SEPTIN9: variants seen among roughly 807,000 people sequenced by gnomAD.
SEPTIN9 encodes septin 9.
In SEPTIN9, 13 loss-of-function variants were observed where a neutral mutation model predicts 56.6. That is an observed-to-expected ratio of 0.23 (90% CI 0.15 to 0.37). The LOEUF (loss-of-function observed/expected upper bound fraction) is 0.37. Among genes scored for constraint, SEPTIN9 ranks in the 10% least tolerant of loss-of-function variants. The pLI is 1.00. For missense variants in SEPTIN9, 650 were observed against 823.1 expected, an observed-to-expected ratio of 0.79 and a Z score of 2.57; for synonymous variants, 332 against 334.1, an observed-to-expected ratio of 0.99 and a Z score of 0.07.
intron 2 of SEPTIN9, among the ~76,000 whole-genome samples, chr17:77,321,750 G>C (rs2032943531): frequency 6.6e-6 from 1 of 152,258 alleles, no homozygotes; most frequent in Non-Finnish European, 1.5e-5. Context: ...GTGCCGCTGA[G>C]CACACCCAGT....
intron 1 of SEPTIN9, among the ~76,000 whole-genome samples, chr17:77,299,161 A>G (rs1271430294): frequency 6.6e-6 from 1 of 152,218 alleles, no homozygotes; most frequent in East Asian, 1.9e-4. Context: ...GCTAACACTC[A>G]GACTTCAGTG....
intron 2 of SEPTIN9, among the ~76,000 whole-genome samples, chr17:77,335,219 T>C (rs2033501371): frequency 6.6e-6 from 1 of 151,558 alleles, no homozygotes; most frequent in Non-Finnish European, 1.5e-5. Context: ...GTTGACTGTA[T>C]ATGTGGTCCT....
At chr17:77,491,823 A>T (rs2040042519) in intron 8 of SEPTIN9, among the ~76,000 whole-genome samples, 1 of 150,738 alleles carries the variant, frequency 6.6e-6, no homozygotes, top group South Asian at 2.1e-4. Context: ...AAAAAAAAAA[A>T]AAAAGTTTCA....
chr17:77,333,241 T>G (rs888565536), intron 2 of SEPTIN9, among the ~76,000 whole-genome samples: 23 of 152,372 alleles, frequency 1.5e-4, no homozygotes, highest in African/African-American at 5.0e-4. Flanking sequence ...TTTTCATGAT[T>G]GGCTCTTCAT....
At chr17:77,345,563 A>G (rs2033864904) in intron 2 of SEPTIN9, among the ~76,000 whole-genome samples, 1 of 152,174 alleles carries the variant, frequency 6.6e-6, no homozygotes, top group Non-Finnish European at 1.5e-5. Context: ...GAAACCTACT[A>G]GAGGGTATGG....
rs916845041 is a variant in SEPTIN9, at chr17:77,367,349, G to A, written c.77-34710G>A. Among the ~76,000 whole-genome samples the A allele has an allele frequency of 7.2e-5, 11 of 152,160 alleles. No homozygotes were observed. Among genetic ancestry groups the A allele is most frequent in the Admixed American group, 2.0e-4 (3 of 15,280 alleles). On this transcript the variant is annotated intron_variant, in intron 2 of 11. Coordinates refer to ENST00000427177, the MANE Select transcript of SEPTIN9 (RefSeq NM_001113491.2). This position sits in a 1 kb window ranked among gnomAD's most constrained non-coding sequence, Gnocchi z 4.5. ...TGAAGAATCCATGTGTGTTCTGAAC[G>A]TCCCCTCTGCCCCTTTGGGCTCATG... is the stretch of plus-strand genomic sequence containing the variant.
chr17:77,378,942 T>G (rs932375024), intron 2 of SEPTIN9, among the ~76,000 whole-genome samples: 2 of 150,474 alleles, frequency 1.3e-5, no homozygotes, highest in Admixed American at 6.6e-5. Flanking sequence ...GACCGGACCA[T>G]GAGGACAGCG....
At chr17:77,482,077 A>G in intron 3 of SEPTIN9, 67 bp from the exon 4 acceptor site, 2 of 1,445,708 alleles carry the variant, frequency 1.4e-6, no homozygotes, top group Non-Finnish European at 1.8e-6. Flanking sequence ...GGGTGTGACA[A>G]CCACCTGGCA....
chr17:77,347,863 G>C lies in SEPTIN9; in HGVS notation c.76+40666G>C, dbSNP rs181912408. 3.3e-3 allele frequency among the ~76,000 whole-genome samples: 504 copies of C among 152,260 alleles called. 5 individuals are homozygous for C. Among genetic ancestry groups the C allele is most frequent in the African/African-American group, 0.011 (475 of 41,544 alleles). On this transcript the variant is annotated intron_variant, in intron 2 of 11. Transcript: ENST00000427177. Reference sequence around the variant, plus strand: ...TTGTGTTTGTTGATTTTGCTCAACTGTAGGCTGAAGTAAGTGTTCTAATCA... The same window carrying C: ...TTGTGTTTGTTGATTTTGCTCAACTCTAGGCTGAAGTAAGTGTTCTAATCA...
chr17:77,378,116 G>C (rs1448647889), intron 2 of SEPTIN9, among the ~76,000 whole-genome samples: 1 of 152,200 alleles, frequency 6.6e-6, no homozygotes, highest in Non-Finnish European at 1.5e-5. Flanking sequence ...CTCTGGGCTG[G>C]ATGTCCGGGA....
In SEPTIN9 at chr17:77,453,068, A is replaced by G. The variant is rs1204711474; in HGVS notation, c.722-29076A>G. Among the ~76,000 whole-genome samples, 1 of 151,172 alleles carries G rather than the reference A, an allele frequency of 6.6e-6. No homozygotes were observed. The highest frequency in any genetic ancestry group is 1.5e-5 in the Non-Finnish European group (1 of 67,842). On this transcript the variant is annotated intron_variant, in intron 3 of 11. Transcript: ENST00000427177. This position sits in a 1 kb window ranked among gnomAD's most constrained non-coding sequence, Gnocchi z 4.4. ...TCTGTGTCGGGGTGGCTGAGACACT[A>G]TTGCATTGGCCACTTTGTGTTCCCA...
intron 2 of SEPTIN9, among the ~76,000 whole-genome samples, chr17:77,379,737 T>TGAA (rs1310838218): frequency 6.6e-6 from 1 of 152,206 alleles, no homozygotes; most frequent in Non-Finnish European, 1.5e-5. Flanking sequence ...CCTGCTCCTC[T>TGAA]GAAGTCTCCT....
At chr17:77,307,040 C>T (rs1432179614) in intron 1 of SEPTIN9, 101 bp from the exon 2 acceptor site, 2 of 1,145,388 alleles carry the variant, frequency 1.7e-6, no homozygotes, top group Non-Finnish European at 2.7e-6. Flanking sequence ...CTGGAACTCA[C>T]AGCAGGAGCA....
intron 2 of SEPTIN9, among the ~76,000 whole-genome samples, chr17:77,357,311 T>C (rs998677595): frequency 1.3e-5 from 2 of 152,164 alleles, no homozygotes; most frequent in Admixed American, 6.5e-5. Context: ...TGGGGTCTGC[T>C]CCTGCTGCAA....
Position 77,412,854 on chromosome 17 carries a change from A to G in SEPTIN9, c.721+10151A>G, listed in dbSNP as rs2036352350. ...GAACATTTTAATCCTGATATTGTCAAGTCTCTGCTTTCCCTTTTAGCTTTT... is the reference window on the plus strand; with the variant it reads ...GAACATTTTAATCCTGATATTGTCAGGTCTCTGCTTTCCCTTTTAGCTTTT... On this transcript the variant is annotated intron_variant, in intron 3 of 11. Transcript: ENST00000427177. Among the ~76,000 whole-genome samples, 3 of 149,604 alleles carry G rather than the reference A, an allele frequency of 2.0e-5. No individual in the cohort carries two copies. The South Asian group carries it at 6.3e-4, about 31-fold the overall frequency.
chr17:77,286,914 G>A (rs1313225864), intron 1 of SEPTIN9, among the ~76,000 whole-genome samples: 1 of 152,180 alleles, frequency 6.6e-6, no homozygotes, highest in Non-Finnish European at 1.5e-5. Flanking sequence ...GAAGTGACGC[G>A]CTGGGTTCCT....
intron 2 of SEPTIN9, among the ~76,000 whole-genome samples, chr17:77,348,131 C>T (rs560793694): frequency 1.1e-4 from 17 of 152,024 alleles, no homozygotes; most frequent in Admixed American, 5.2e-4. Context: ...TGACAGCCTC[C>T]GCCTTTTAAT....
chr17:77,416,773 G>T (rs2036522924), intron 3 of SEPTIN9, among the ~76,000 whole-genome samples: 1 of 152,162 alleles, frequency 6.6e-6, no homozygotes, highest in African/African-American at 2.4e-5. Flanking sequence ...TGGATGCAGA[G>T]CACCTGGATG....
At chr17:77,293,188 T>C (rs1372142985) in intron 1 of SEPTIN9, among the ~76,000 whole-genome samples, 1 of 152,088 alleles carries the variant, frequency 6.6e-6, no homozygotes, top group Non-Finnish European at 1.5e-5. Context: ...CCTAATTTTT[T>C]CTTTTATTTT....
Sources: allele counts gnomAD v4.1 joint callset (sites outside exome capture counted in the v4.1 genomes callset), GRCh38; gene constraint gnomAD v4.1.1; non-coding constraint Gnocchi (gnomAD v3.1); transcripts MANE v1.5; gene names NCBI Gene and HGNC (gene_info 2026-07-23, HGNC 2026-07-21).